Variants in KCNC2 observed in about 807,000 individuals in gnomAD.
The protein encoded by KCNC2 is potassium voltage-gated channel subfamily C member 2, also known as voltage-gated potassium channel KCNC2.
A neutral mutation model predicts 44.5 loss-of-function variants in KCNC2; 21 were observed. The observed-to-expected ratio is 0.47, with a 90% CI of 0.33 to 0.68. The LOEUF (loss-of-function observed/expected upper bound fraction) is 0.68. KCNC2 is among the 30% of genes least tolerant of loss of function. The pLI is 0.01. For missense variants in KCNC2, 589 were observed against 826.2 expected, an observed-to-expected ratio of 0.71 and a Z score of 3.52; for synonymous variants, 391 against 339.1, an observed-to-expected ratio of 1.15 and a Z score of -1.68.
chr12:75,050,730 G>A lies in KCNC2; in HGVS notation c.1275C>T (p.Pro425=). Residue 425 remains proline, a synonymous_variant, in exon 3 of 5, where the codon CCC becomes CCT. Coordinates refer to ENST00000549446, the MANE Select transcript of KCNC2 (RefSeq NM_139137.4). ...TCACTACAGCCCACCAGAACCCAAT[G>A]GGAATGTTTTTGAACTGTGTGTGCT... ...ASEHTQFKNI[P]IGFWWAVVTM... 6.2e-7 allele frequency: 1 copy of A among 1,613,454 alleles called. No homozygotes were observed. Among genetic ancestry groups the A allele is most frequent in the Non-Finnish European group, 8.5e-7 (1 of 1,179,818 alleles).
intron 2 of KCNC2, 52 bp from the exon 3 acceptor site, chr12:75,051,369 A>G: frequency 9.9e-7 from 1 of 1,008,686 alleles, no homozygotes; most frequent in South Asian, 1.7e-5. Flanking sequence ...ATCGTAATAT[A>G]TGTTGATTCT....
chr12:75,207,736 C>T lies in KCNC2; in HGVS notation c.248G>A (p.Gly83Asp). The change falls in exon 2 of 5, where the codon GGC becomes GAC. Residue 83 changes from glycine (G) to aspartate (D), a missense_variant. Gly to Asp is a moderately conservative substitution (Grantham distance 94). Coordinates refer to ENST00000549446, the MANE Select transcript of KCNC2 (RefSeq NM_139137.4). This position sits in a 1 kb window ranked among gnomAD's most constrained non-coding sequence, Gnocchi z 4.1. ...GPGGCFEGGAGNCSSRGGRAS... is the reference protein window; with the variant it reads ...GPGGCFEGGADNCSSRGGRAS... ...CCTGCCGCCGCGGGAACTGCAGTTGCCCGCGCCGCCCTCGAAGCAGCCGCC... is the reference window on the plus strand; with the variant it reads ...CCTGCCGCCGCGGGAACTGCAGTTGTCCGCGCCGCCCTCGAAGCAGCCGCC... 6.4e-7 allele frequency: 1 copy of T among 1,567,522 alleles called. No individual in the cohort carries two copies.
intron 1 of KCNC2, among the ~76,000 whole-genome samples, chr12:75,208,675 C>T (rs971511537): frequency 6.6e-6 from 1 of 150,758 alleles, no homozygotes. Flanking sequence ...TTCTGAGCAA[C>T]CTGTTCTAGG....
chr12:75,161,023 T>C (rs988236754), intron 2 of KCNC2, among the ~76,000 whole-genome samples: 1 of 151,516 alleles, frequency 6.6e-6, no homozygotes, highest in Non-Finnish European at 1.5e-5. Flanking sequence ...TGTATTTGCA[T>C]TTATTACTAG....
chr12:75,168,600 A>G (rs897310695), intron 2 of KCNC2, among the ~76,000 whole-genome samples: 11 of 151,560 alleles, frequency 7.3e-5, no homozygotes, highest in Non-Finnish European at 1.0e-4. Flanking sequence ...GAGAACCACA[A>G]ATGGTGAAAA....
intron 2 of KCNC2, among the ~76,000 whole-genome samples, chr12:75,157,338 A>G (rs981340782): frequency 1.3e-4 from 19 of 151,802 alleles, no homozygotes; most frequent in Non-Finnish European, 1.6e-4. Context: ...TTTTGTGGTT[A>G]TGAGGAAAAG....
intron 2 of KCNC2, among the ~76,000 whole-genome samples, chr12:75,131,072 C>A (rs1034034624): frequency 6.6e-6 from 1 of 151,992 alleles, no homozygotes; most frequent in African/African-American, 2.4e-5. Context: ...AATTATCCAC[C>A]AAAATAAACA....
In KCNC2 at chr12:75,129,635, A is replaced by G. The variant is rs1375957584; in HGVS notation, c.687+77662T>C. On this transcript the variant is annotated intron_variant, in intron 2 of 4. Transcript: ENST00000549446. ...TTGAAATTGAGTAAAGTGAGATGAG[A>G]AAGTAGAAACTGTACTGGGTGAAGA... Among the ~76,000 whole-genome samples the G allele has an allele frequency of 2.0e-5, 3 of 152,188 alleles. No homozygotes were observed. In the East Asian group the frequency reaches 5.8e-4, roughly 29 times the overall value.
chr12:75,063,614 G>T (rs1277733529), intron 2 of KCNC2, among the ~76,000 whole-genome samples: 1 of 151,996 alleles, frequency 6.6e-6, no homozygotes, highest in Admixed American at 6.6e-5. Flanking sequence ...TGAATAGGCA[G>T]AATTTACTAG....
At chr12:75,122,898 G>C (rs2199075) in intron 2 of KCNC2, among the ~76,000 whole-genome samples, 1 of 151,892 alleles carries the variant, frequency 6.6e-6, no homozygotes, top group Non-Finnish European at 1.5e-5. Context: ...ATTTAATTCA[G>C]GTCTTATGCC....
chr12:75,136,297 C>T (rs949166257), intron 2 of KCNC2, among the ~76,000 whole-genome samples: 4 of 151,584 alleles, frequency 2.6e-5, no homozygotes, highest in African/African-American at 9.7e-5. Flanking sequence ...ACGAGAACAA[C>T]CTAAACCCAA....
At chr12:75,182,538 CA>C (rs796239884) in intron 2 of KCNC2, among the ~76,000 whole-genome samples, 3 of 123,574 alleles carry the variant, frequency 2.4e-5, no homozygotes, top group Non-Finnish European at 4.9e-5. Flanking sequence ...AAAAAAAAAA[CA>C]AAAAAAACAA....
intron 2 of KCNC2, among the ~76,000 whole-genome samples, chr12:75,111,663 T>C (rs1789158975): frequency 6.6e-6 from 1 of 151,932 alleles, no homozygotes; most frequent in African/African-American, 2.4e-5. Flanking sequence ...TCATTAAGTA[T>C]TCTTAACATC....
At chr12:75,158,672 C>T (rs867731248) in intron 2 of KCNC2, among the ~76,000 whole-genome samples, 3 of 151,894 alleles carry the variant, frequency 2.0e-5, no homozygotes, top group Middle Eastern at 3.4e-3. Context: ...AGGCTTCATC[C>T]AACAAAGTTA....
At chr12:75,160,861 A>T (rs1167402597) in intron 2 of KCNC2, among the ~76,000 whole-genome samples, 1 of 151,830 alleles carries the variant, frequency 6.6e-6, no homozygotes, top group Non-Finnish European at 1.5e-5. Context: ...GACCAAAAAA[A>T]GTTTTAAAAC....
chr12:75,142,107 C>G (rs1286517191), intron 2 of KCNC2, among the ~76,000 whole-genome samples: 2 of 152,098 alleles, frequency 1.3e-5, no homozygotes, highest in African/African-American at 4.8e-5. Flanking sequence ...ACTTCCTGTA[C>G]AACTGTCACT....
intron 2 of KCNC2, among the ~76,000 whole-genome samples, chr12:75,142,989 A>C (rs1363082048): frequency 1.3e-5 from 2 of 152,036 alleles, no homozygotes; most frequent in Non-Finnish European, 2.9e-5. Flanking sequence ...AACACCAATT[A>C]ATAATTTTAG....
At chr12:75,140,376 T>G (rs555029958) in intron 2 of KCNC2, among the ~76,000 whole-genome samples, 2 of 152,332 alleles carry the variant, frequency 1.3e-5, no homozygotes, top group East Asian at 3.9e-4. Context: ...GGACCATTAT[T>G]ATTACAATCT....
At chr12:75,065,839 G>A (rs548027157) in intron 2 of KCNC2, among the ~76,000 whole-genome samples, 197 of 152,144 alleles carry the variant, frequency 1.3e-3, no homozygotes, top group African/African-American at 4.2e-3. Context: ...AATATTGCCA[G>A]TTATTATTAG....
Sources: gnomAD v4.1 joint callset for allele counts (sites outside exome capture counted in the v4.1 genomes callset) on GRCh38, gnomAD v4.1.1 for gene constraint, Gnocchi (gnomAD v3.1) non-coding constraint, MANE v1.5 for transcripts, NCBI Gene and HGNC (gene_info 2026-07-23, HGNC 2026-07-21) for gene names.